PDE3A: variants seen among roughly 807,000 people sequenced by gnomAD.
The protein encoded by PDE3A is cGMP-inhibited 3',5'-cyclic phosphodiesterase 3A.
Under a neutral mutation model 98.3 loss-of-function variants are expected in PDE3A, and 43 were observed. The ratio of observed to expected loss-of-function variants is 0.44; its 90% confidence interval spans 0.34 to 0.56. The LOEUF (loss-of-function observed/expected upper bound fraction) is 0.56, where lower values mean the gene tolerates loss of function less well. PDE3A is among the 20% of genes least tolerant of loss of function. PDE3A has a pLI of 0.01. For synonymous variants in PDE3A, 663 were observed against 567.9 expected (o/e 1.17, Z -2.38); for missense variants, 1,427 against 1,440.7 (o/e 0.99, Z 0.15).
chr12:20,405,775 T>G (rs1451061430), intron 1 of PDE3A, among the ~76,000 whole-genome samples: 1 of 152,158 alleles, frequency 6.6e-6, no homozygotes, highest in South Asian at 2.1e-4. Flanking sequence ...CTTAGCAAAC[T>G]TTGAGTAAAT....
chr12:20,456,847 C>T (rs1379407600), intron 1 of PDE3A, among the ~76,000 whole-genome samples: 9 of 152,058 alleles, frequency 5.9e-5, no homozygotes, highest in Admixed American at 5.2e-4. Context: ...AAGCAAAGGG[C>T]GTATGCTTTT....
intron 1 of PDE3A, among the ~76,000 whole-genome samples, chr12:20,420,817 A>C (rs945736346): frequency 6.6e-6 from 1 of 152,184 alleles, no homozygotes; most frequent in African/African-American, 2.4e-5. Context: ...TCGCTTTGCT[A>C]TCAGATTACA....
intron 2 of PDE3A, among the ~76,000 whole-genome samples, chr12:20,612,627 ATATAGTTACT>A (rs374475362): frequency 2.7e-4 from 39 of 143,962 alleles, no homozygotes; most frequent in African/African-American, 7.8e-4. Context: ...TATATAAGTA[ATATAGTTACT>A]TATATAAGTA....
chr12:20,493,938 C>T (rs1591987541), intron 1 of PDE3A, among the ~76,000 whole-genome samples: 1 of 152,212 alleles, frequency 6.6e-6, no homozygotes, highest in East Asian at 1.9e-4. Flanking sequence ...CCGCAAACTA[C>T]TTTTCAATGG....
At chr12:20,447,166 C>T (rs71463096) in intron 1 of PDE3A, among the ~76,000 whole-genome samples, 1 of 152,166 alleles carries the variant, frequency 6.6e-6, no homozygotes, top group African/African-American at 2.4e-5. Context: ...TCTTGCAAGC[C>T]ATCCGGATGA....
At chr12:20,630,345 C>T (rs1398757404) in intron 6 of PDE3A, among the ~76,000 whole-genome samples, 1 of 152,100 alleles carries the variant, frequency 6.6e-6, no homozygotes, top group Non-Finnish European at 1.5e-5. Context: ...GTTCATACAG[C>T]CAATCTTTAG....
In PDE3A at chr12:20,516,524, A is replaced by G. The variant is rs570374252; in HGVS notation, c.961-40136A>G. ...AGAATACCTATACATTTACACATGT[A>G]AAAAATGAAGCCTCAATGTCTTTGG... On this transcript the variant is annotated intron_variant, in intron 1 of 15. Transcript: ENST00000359062. Among the ~76,000 whole-genome samples the G allele has an allele frequency of 2.1e-4, 32 of 152,356 alleles. 1 individual carries two copies. Among genetic ancestry groups the G allele is most frequent in the South Asian group, 4.1e-4 (2 of 4,832 alleles).
chr12:20,412,915 A>T (rs953421019), intron 1 of PDE3A, among the ~76,000 whole-genome samples: 1 of 152,164 alleles, frequency 6.6e-6, no homozygotes, highest in Non-Finnish European at 1.5e-5. Context: ...AGAGTGAGGG[A>T]GTGCATGTTT....
At position 20,639,973 on chromosome 12, in the gene PDE3A, T is replaced by A; in HGVS notation, c.2251+16T>A. On this transcript the variant is annotated intron_variant, in intron 10 of 15. Coordinates refer to ENST00000359062, the MANE Select transcript of PDE3A (RefSeq NM_000921.5). ...GATATTCCTTGTAAGTATATGTGAT[T>A]TGTGAAATAATACTTTTAAAATATG... The A allele has an allele frequency of 2.8e-6, 3 of 1,089,284 alleles. No homozygotes were observed. Among genetic ancestry groups the A allele is most frequent in the Non-Finnish European group, 4.2e-6 (3 of 706,542 alleles). The allele number at this position is 1,089,284 out of a possible 1,614,324, so 67.5% of individuals were successfully genotyped here. A position where few individuals can be genotyped will look rare whatever the true frequency, so the allele number is the denominator to read the frequency against.
intron 1 of PDE3A, among the ~76,000 whole-genome samples, chr12:20,466,411 G>A (rs1304182459): frequency 6.6e-6 from 1 of 152,172 alleles, no homozygotes; most frequent in East Asian, 1.9e-4. Context: ...GTTTCAAGGA[G>A]GAGAGGAAGA....
rs138710296 is a variant in PDE3A, at chr12:20,635,438, C to T, written c.2001+382C>T. ...ACCAAAATTACCAAAATTAGCCGGGCGTGGTGGCACGCACCTGTATTCCCA... is the reference window on the plus strand; with the variant it reads ...ACCAAAATTACCAAAATTAGCCGGGTGTGGTGGCACGCACCTGTATTCCCA... On this transcript the variant is annotated intron_variant, in intron 8 of 15. Coordinates refer to ENST00000359062, the MANE Select transcript of PDE3A (RefSeq NM_000921.5). Among the ~76,000 whole-genome samples the T allele has an allele frequency of 1.2e-3, 178 of 152,104 alleles. 1 individual carries two copies. The highest frequency in any genetic ancestry group is 3.9e-3 in the African/African-American group (164 of 41,528).
intron 1 of PDE3A, among the ~76,000 whole-genome samples, chr12:20,536,850 T>C (rs1941762093): frequency 6.6e-6 from 1 of 152,112 alleles, no homozygotes; most frequent in African/African-American, 2.4e-5. Context: ...GCTATTAACA[T>C]TTGTGTTCAA....
intron 2 of PDE3A, among the ~76,000 whole-genome samples, chr12:20,612,432 GT>G (rs1422672774): frequency 6.6e-6 from 1 of 150,904 alleles, no homozygotes; most frequent in Non-Finnish European, 1.5e-5. Flanking sequence ...TTATGTAGAA[GT>G]TTTTATCTTC....
intron 12 of PDE3A, among the ~76,000 whole-genome samples, chr12:20,648,268 G>C (rs947767271): frequency 6.7e-6 from 1 of 150,066 alleles, no homozygotes; most frequent in African/African-American, 2.4e-5. Flanking sequence ...TGTGGCATTG[G>C]TATAATTATA....
At chr12:20,589,071 T>C (rs78693889) in intron 2 of PDE3A, among the ~76,000 whole-genome samples, 24,946 of 151,854 alleles carry the variant, frequency 0.16, 2,156 homozygotes, top group Middle Eastern at 0.23. Context: ...TACAGGCGCC[T>C]GCCACCACGC....
intron 4 of PDE3A, among the ~76,000 whole-genome samples, chr12:20,620,268 A>C (rs1053256827): frequency 6.6e-6 from 1 of 152,050 alleles, no homozygotes; most frequent in African/African-American, 2.4e-5. Context: ...TCCTGCTTAC[A>C]TTGCCAATCT....
intron 1 of PDE3A, among the ~76,000 whole-genome samples, chr12:20,418,312 A>G (rs1944456299): frequency 6.6e-6 from 1 of 152,166 alleles, no homozygotes; most frequent in South Asian, 2.1e-4. Flanking sequence ...TCTGTCACAT[A>G]ATAGGTACTC....
chr12:20,485,690 A>G lies in PDE3A; in HGVS notation c.961-70970A>G, dbSNP rs549262554. Among the ~76,000 whole-genome samples, 11 of 152,316 alleles carry G rather than the reference A, an allele frequency of 7.2e-5. No individual in the cohort carries two copies. The South Asian group carries it at 2.1e-3, about 29-fold the overall frequency. ...TAAGGATTCACCTATCTACATTTAC[A>G]TGAAATCAATGTTCTTATAACCTTC... On this transcript the variant is annotated intron_variant, in intron 1 of 15. Coordinates refer to ENST00000359062, the MANE Select transcript of PDE3A (RefSeq NM_000921.5).
chr12:20,620,825 A>C (rs71436823), intron 4 of PDE3A, among the ~76,000 whole-genome samples: 48,217 of 151,558 alleles, frequency 0.32, 7,698 homozygotes, highest in Admixed American at 0.38. Context: ...GCAAAAAAAA[A>C]ACACCATTAT....
Sources: allele counts gnomAD v4.1 joint callset (sites outside exome capture counted in the v4.1 genomes callset), GRCh38; gene constraint gnomAD v4.1.1; transcripts MANE v1.5; gene names NCBI Gene and HGNC (gene_info 2026-07-23, HGNC 2026-07-21).